ETV5: variants seen among roughly 807,000 people sequenced by gnomAD.
ETV5 encodes the protein ETS variant transcription factor 5, also known as ETS translocation variant 5.
Under a neutral mutation model 70.0 loss-of-function variants are expected in ETV5, and 10 were observed. That is an observed-to-expected ratio of 0.14 (90% CI 0.09 to 0.24). The LOEUF is 0.24. Among genes scored for constraint, ETV5 ranks in the 10% least tolerant of loss-of-function variants. ETV5 has a pLI of 1.00. For missense variants in ETV5, 453 were observed against 651.2 expected (o/e 0.70, Z 3.31); for synonymous variants, 216 against 242.2 (o/e 0.89, Z 1.01).
intron 11 of ETV5, among the ~76,000 whole-genome samples, 171 bp downstream of exon 11, chr3:186,056,904 A>G (rs1713177923): frequency 6.6e-6 from 1 of 152,252 alleles, no homozygotes; most frequent in Non-Finnish European, 1.5e-5. Flanking sequence ...TCCATGTATT[A>G]GAAACTGTCC....
At chr3:186,085,106 G>T (rs1714026619) in intron 5 of ETV5, among the ~76,000 whole-genome samples, 1 of 77,090 alleles carries the variant, frequency 1.3e-5, no homozygotes, top group Non-Finnish European at 2.2e-5. Context: ...CGAAAACAAG[G>T]CTCAAAGTCA....
At position 186,048,214 on chromosome 3, in the gene ETV5, G is replaced by T. The variant is rs931750128; in HGVS notation, c.*425C>A. 1 of 250,690 alleles carries T rather than the reference G, an allele frequency of 4.0e-6. No individual in the cohort carries two copies. Among genetic ancestry groups the T allele is most frequent in the African/African-American group, 2.2e-5 (1 of 45,598 alleles). The allele number at this position is 250,690 out of a possible 1,614,324, so 15.5% of individuals were successfully genotyped here. ...ACTTAGCCTACTTACTTTTCTATGG[G>T]TTTGTGATTTTTCAACAAATTGTGC... On this transcript the variant is annotated 3_prime_UTR_variant, in exon 13 of 13. Coordinates refer to ENST00000306376, the MANE Select transcript of ETV5 (RefSeq NM_004454.3).
chr3:186,082,282 C>T (rs980362342), intron 5 of ETV5, among the ~76,000 whole-genome samples: 7 of 152,188 alleles, frequency 4.6e-5, no homozygotes, highest in South Asian at 4.1e-4. Flanking sequence ...TATCAAAGGT[C>T]TCATTAAATA....
At position 186,046,678 on chromosome 3, in the gene ETV5, A is replaced by G. The variant is rs1048876696; in HGVS notation, c.*1961T>C. ...ACAGCATAAATCCATTCAAAAGAAA[A>G]AAAAAAAAAATCCAAACCAGGGTAA... On this transcript the variant is annotated 3_prime_UTR_variant, in exon 13 of 13. Transcript: ENST00000306376. 1 of 232,422 alleles carries G rather than the reference A, an allele frequency of 4.3e-6. No individual in the cohort carries two copies. The highest frequency in any genetic ancestry group is 8.5e-6 in the Non-Finnish European group (1 of 117,590). 14.4% of individuals were successfully genotyped at this position (232,422 alleles called of 1,614,324 possible). A position where few individuals can be genotyped will look rare whatever the true frequency, so the allele number is the denominator to read the frequency against.
intron 5 of ETV5, among the ~76,000 whole-genome samples, chr3:186,081,424 T>C (rs529216434): frequency 6.6e-6 from 1 of 152,324 alleles, no homozygotes; most frequent in East Asian, 1.9e-4. Context: ...CCAAATTTCT[T>C]TGGTCATGGG....
intron 9 of ETV5, among the ~76,000 whole-genome samples, chr3:186,061,486 G>A (rs1713302983): frequency 6.6e-6 from 1 of 152,154 alleles, no homozygotes; most frequent in Non-Finnish European, 1.5e-5. Flanking sequence ...CCTGGGATGG[G>A]TCCTGAGAAT....
chr3:186,048,977 C>A, intron 12 of ETV5, 117 bp from the exon 13 acceptor site: 1 of 777,964 alleles, frequency 1.3e-6, no homozygotes, highest in Non-Finnish European at 2.1e-6. Flanking sequence ...CCGATTACCC[C>A]AATCACTCAG....
intron 7 of ETV5, chr3:186,076,284 T>C (rs982107351): frequency 5.8e-5 from 12 of 208,360 alleles, no homozygotes; most frequent in Admixed American, 2.4e-4. Context: ...AATGTACTTT[T>C]TTCTTTCTTC....
At position 186,081,138 on chromosome 3, in the gene ETV5, C is replaced by G; in HGVS notation, c.270G>C (p.Arg90=). ...GCTCAGAGGAGGGGCTGTGCAGCTC[C>G]CGTTTGATCTTGGTTGGAGGTGGGG... is the stretch of plus-strand genomic sequence containing the variant. The part of the protein sequence containing the change: ...LHAPPPTKIK[R]ELHSPSSELS... The change falls in exon 6 of 13, where the codon CGG becomes CGC. Residue 90 remains arginine, a synonymous_variant. Transcript: ENST00000306376. 6.2e-7 allele frequency: 1 copy of G among 1,613,566 alleles called. No individual in the cohort carries two copies.
In ETV5 at chr3:186,099,852, G is replaced by A. The variant is rs140526622; in HGVS notation, c.232+5453C>T. Among the ~76,000 whole-genome samples, 80 of 152,244 alleles carry A rather than the reference G, an allele frequency of 5.3e-4. 1 individual carries two copies. The Middle Eastern group carries it at 0.014, about 26-fold the overall frequency. On this transcript the variant is annotated intron_variant, in intron 5 of 12. Coordinates refer to ENST00000306376, the MANE Select transcript of ETV5 (RefSeq NM_004454.3). The stretch of plus-strand genomic sequence containing the variant: ...GATCTTGACACAGATGTAACTCCCC[G>A]TCCCAAATCTTTCTCACCAAATACA...
chr3:186,080,363 C>T (rs1188981849), intron 6 of ETV5, among the ~76,000 whole-genome samples: 2 of 151,858 alleles, frequency 1.3e-5, no homozygotes, highest in Non-Finnish European at 2.9e-5. Context: ...TTCCTTTTTC[C>T]CTCCTTCTAA....
intron 5 of ETV5, among the ~76,000 whole-genome samples, chr3:186,084,845 CT>C (rs1160164400): frequency 1.3e-5 from 2 of 152,132 alleles, no homozygotes; most frequent in Non-Finnish European, 2.9e-5. Context: ...AGGCATAAAC[CT>C]TTTTTTCAAC....
intron 9 of ETV5, among the ~76,000 whole-genome samples, chr3:186,058,370 A>G (rs1305559196): frequency 6.6e-6 from 1 of 152,180 alleles, no homozygotes; most frequent in Admixed American, 6.5e-5. Flanking sequence ...CTCAAGGTGT[A>G]AGGTCTCCAG....
chr3:186,057,308 A>G lies in ETV5; in HGVS notation c.1040-64T>C. On this transcript the variant is annotated intron_variant, in intron 10 of 12. Transcript: ENST00000306376. This position sits in a 1 kb window ranked among gnomAD's most constrained non-coding sequence, Gnocchi z 4.9. Reference sequence around the variant, plus strand: ...CTAAGTTTCTCAGGTGGTTGGGACAAAAAGGAGTTGTTCATGCTGATTTAA... The same window carrying G: ...CTAAGTTTCTCAGGTGGTTGGGACAGAAAGGAGTTGTTCATGCTGATTTAA... The G allele has an allele frequency of 6.2e-7, 1 of 1,609,538 alleles. No homozygotes were observed. The highest frequency in any genetic ancestry group is 8.5e-7 in the Non-Finnish European group (1 of 1,176,344).
chr3:186,108,152 C>T (rs2108447762), intron 1 of ETV5, among the ~76,000 whole-genome samples: 1 of 150,070 alleles, frequency 6.7e-6, no homozygotes, highest in Non-Finnish European at 1.5e-5. Context: ...CCCTGGCACC[C>T]CCTCGTCGAC....
At chr3:186,082,502 C>T (rs1713956447) in intron 5 of ETV5, among the ~76,000 whole-genome samples, 2 of 150,748 alleles carry the variant, frequency 1.3e-5, no homozygotes, top group Non-Finnish European at 2.9e-5. Flanking sequence ...ATCACTGCAA[C>T]CTCTGCCTCC....
rs537889823 is a variant in ETV5, at chr3:186,056,809, A to G, written c.1209+266T>C. ...GAGGGAGAGCATATCCTATTTGAATATAAGTCTTCATGATCTTGCCCCCTA... is the reference window on the plus strand; with the variant it reads ...GAGGGAGAGCATATCCTATTTGAATGTAAGTCTTCATGATCTTGCCCCCTA... On this transcript the variant is annotated intron_variant, in intron 11 of 12. Coordinates refer to ENST00000306376, the MANE Select transcript of ETV5 (RefSeq NM_004454.3). 1.4e-4 allele frequency among the ~76,000 whole-genome samples: 22 copies of G among 152,370 alleles called. No individual in the cohort carries two copies. In the South Asian group the frequency reaches 3.3e-3, roughly 23 times the overall value.
At chr3:186,081,934 T>C (rs1713943515) in intron 5 of ETV5, among the ~76,000 whole-genome samples, 1 of 152,240 alleles carries the variant, frequency 6.6e-6, no homozygotes, top group Non-Finnish European at 1.5e-5. Flanking sequence ...GCTGAATTCA[T>C]GGAATAAATA....
rs1305468737 is a variant in ETV5, at chr3:186,079,854, T to C, written c.613A>G (p.Lys205Glu). 1.2e-6 allele frequency: 2 copies of C among 1,609,290 alleles called. No individual in the cohort carries two copies. The highest frequency in any genetic ancestry group is 2.7e-5 in the African/African-American group (2 of 74,596). ...RPPHQPLQMP[K>E]MMPENQYPSE... ...GGATACTGGTTTTCAGGCATCATCT[T>C]TGGCATCTGCAGGGGCTGATGTGGT... Residue 205 changes from lysine to glutamate, a missense_variant, in exon 7 of 13, where the codon AAG (lysine) becomes GAG (glutamate). By Grantham distance (56) the Lys-to-Glu change is moderately conservative. Transcript: ENST00000306376.
Sources: gnomAD v4.1 joint callset for allele counts (sites outside exome capture counted in the v4.1 genomes callset) on GRCh38, gnomAD v4.1.1 for gene constraint, Gnocchi (gnomAD v3.1) non-coding constraint, MANE v1.5 for transcripts, NCBI Gene and HGNC (gene_info 2026-07-23, HGNC 2026-07-21) for gene names.